The following GOLGA8B variants were observed in gnomAD, a reference collection of about 807,000 sequenced individuals.
GOLGA8B encodes the protein golgin subfamily A member 8B.
GOLGA8B carries 1 observed loss-of-function variant against 15.6 expected under a neutral mutation model. The observed-to-expected ratio is 0.06, with a 90% CI of 0.02 to 0.30. The LOEUF (loss-of-function observed/expected upper bound fraction) is 0.30, where lower values mean the gene tolerates loss of function less well. GOLGA8B is among the 10% of genes least tolerant of loss of function. The pLI is 1.00. For missense variants in GOLGA8B, 17 were observed against 201.3 expected, an observed-to-expected ratio of 0.08 and a Z score of 5.54; for synonymous variants, 9 against 80.3, an observed-to-expected ratio of 0.11 and a Z score of 4.75.
At chr15:34,569,197 C>T (rs1384034696) in intron 1 of GOLGA8B, among the ~76,000 whole-genome samples, 4 of 146,402 alleles carry the variant, frequency 2.7e-5, no homozygotes, top group African/African-American at 1.0e-4. Flanking sequence ...TGTTCCACCT[C>T]TTCCACTTCC....
chr15:34,571,807 G>A (rs1325758291), intron 1 of GOLGA8B, among the ~76,000 whole-genome samples: 6 of 152,034 alleles, frequency 3.9e-5, no homozygotes, highest in Middle Eastern at 3.2e-3. Flanking sequence ...ATTAAAGCAA[G>A]CTTGATAGTT....
At chr15:34,565,666 TC>T in intron 1 of GOLGA8B, among the ~76,000 whole-genome samples, 1 of 2,766 alleles carries the variant, frequency 3.6e-4, no homozygotes, top group Admixed American at 3.1e-3. Context: ...TTTCTTTCTT[TC>T]TTTCTTTCTT....
intron 1 of GOLGA8B, among the ~76,000 whole-genome samples, chr15:34,557,659 T>TGTGTGA (rs1209379009): frequency 9.3e-6 from 1 of 107,240 alleles, no homozygotes; most frequent in Admixed American, 1.1e-4. Flanking sequence ...TGTGTGTGTG[T>TGTGTGA]GTGTGTGTGT....
At chr15:34,569,678 A>G (rs1201577737) in intron 1 of GOLGA8B, among the ~76,000 whole-genome samples, 3 of 151,752 alleles carry the variant, frequency 2.0e-5, no homozygotes, top group Non-Finnish European at 2.9e-5. Flanking sequence ...CACCCTGAAC[A>G]AAGACTAAAT....
chr15:34,577,450 G>A (rs1400682962), intron 1 of GOLGA8B, among the ~76,000 whole-genome samples: 3 of 150,926 alleles, frequency 2.0e-5, no homozygotes, highest in Non-Finnish European at 4.4e-5. Context: ...GAGCTGCCTT[G>A]CTGGAGAATC....
chr15:34,578,257 A>AC (rs779819442), intron 1 of GOLGA8B, among the ~76,000 whole-genome samples: 3 of 152,140 alleles, frequency 2.0e-5, no homozygotes, highest in Non-Finnish European at 4.4e-5. Flanking sequence ...TGTCCCACCA[A>AC]CCATGTTAGC....
intron 1 of GOLGA8B, chr15:34,582,647 C>T (rs909572605): frequency 1.3e-5 from 2 of 152,286 alleles, no homozygotes; most frequent in Non-Finnish European, 2.9e-5. Flanking sequence ...AGGCTCTGCT[C>T]TCCACTGGGG....
Position 34,525,378 on chromosome 15 carries a change from C to T in GOLGA8B, c.*2254G>A, listed in dbSNP as rs555194206. ...AAAGTCTTTCAGTATTTCTGTTACA[C>T]ATTCTGTTAACAAGAACCCATACAT... On this transcript the variant is annotated 3_prime_UTR_variant, in exon 24 of 24. Coordinates refer to ENST00000683415, the MANE Select transcript of GOLGA8B (RefSeq NM_001023567.5). 4.0e-5 allele frequency: 6 copies of T among 150,020 alleles called. No homozygotes were observed. The South Asian group carries it at 1.3e-3, about 32-fold the overall frequency. 9.3% of individuals were successfully genotyped at this position (150,020 alleles called of 1,614,324 possible). A position where few individuals can be genotyped will look rare whatever the true frequency, so the allele number is the denominator to read the frequency against.
At chr15:34,579,347 A>G (rs1319978762) in intron 1 of GOLGA8B, among the ~76,000 whole-genome samples, 1 of 152,098 alleles carries the variant, frequency 6.6e-6, no homozygotes, top group Non-Finnish European at 1.5e-5. Flanking sequence ...ACAGAGTCTG[A>G]CATTAGGTAC....
chr15:34,572,271 C>G (rs1421603385), intron 1 of GOLGA8B, among the ~76,000 whole-genome samples: 3 of 152,224 alleles, frequency 2.0e-5, no homozygotes, highest in East Asian at 3.8e-4. Flanking sequence ...TGTTGACACT[C>G]TGAATGCCCA....
intron 1 of GOLGA8B, among the ~76,000 whole-genome samples, chr15:34,581,655 G>T (rs748572673): frequency 3.3e-5 from 5 of 152,152 alleles, no homozygotes; most frequent in Non-Finnish European, 5.9e-5. Flanking sequence ...TGGGTCTGGG[G>T]TGTCAGAGAA....
chr15:34,554,058 C>T (rs1252799843), intron 1 of GOLGA8B, 102 bp from the exon 2 acceptor site: 4 of 138,346 alleles, frequency 2.9e-5, no homozygotes, highest in African/African-American at 5.5e-5. Context: ...ACCGCTACAC[C>T]GTGTCGTTGT....
At chr15:34,572,681 C>A (rs1888954111) in intron 1 of GOLGA8B, among the ~76,000 whole-genome samples, 1 of 152,158 alleles carries the variant, frequency 6.6e-6, no homozygotes, top group Admixed American at 6.5e-5. Context: ...CTGAATGGGG[C>A]AGTGGTGAAG....
intron 1 of GOLGA8B, among the ~76,000 whole-genome samples, chr15:34,578,234 G>A (rs1463938322): frequency 3.3e-5 from 5 of 152,180 alleles, no homozygotes; most frequent in African/African-American, 1.2e-4. Flanking sequence ...GTGCAAAATG[G>A]AAAACACCTT....
At chr15:34,573,130 T>C (rs79202685) in intron 1 of GOLGA8B, among the ~76,000 whole-genome samples, 1 of 152,238 alleles carries the variant, frequency 6.6e-6, no homozygotes, top group Non-Finnish European at 1.5e-5. Context: ...TATTTAATGA[T>C]TAGCTCTGGT....
chr15:34,577,504 TCATACACACACACACACACACA>T (rs1889114004), intron 1 of GOLGA8B, among the ~76,000 whole-genome samples: 1 of 100,624 alleles, frequency 9.9e-6, no homozygotes, highest in Non-Finnish European at 2.0e-5. Context: ...AAATTATATA[TCATACACACACACACACACACA>T]CACACACACA....
In GOLGA8B at chr15:34,581,180, C is replaced by T. The variant is rs548807672; in HGVS notation, c.-1123+2336G>A. ...CCATGGTGTCACCTGAGGCCCACAC[C>T]TGTTAAGTCACTGGGGCAGGTATGC... On this transcript the variant is annotated intron_variant, in intron 1 of 23. Coordinates refer to ENST00000683415, the MANE Select transcript of GOLGA8B (RefSeq NM_001023567.5). Among the ~76,000 whole-genome samples the T allele has an allele frequency of 7.2e-5, 11 of 152,224 alleles. No homozygotes were observed. The East Asian group carries it at 9.6e-4, about 13-fold the overall frequency.
At chr15:34,569,917 G>T (rs1269673603) in intron 1 of GOLGA8B, among the ~76,000 whole-genome samples, 2 of 152,196 alleles carry the variant, frequency 1.3e-5, no homozygotes, top group Middle Eastern at 3.4e-3. Flanking sequence ...TGGGGCCATG[G>T]GTCCCAGTGG....
intron 1 of GOLGA8B, among the ~76,000 whole-genome samples, chr15:34,572,361 C>T (rs1049727374): frequency 3.3e-5 from 5 of 152,136 alleles, no homozygotes; most frequent in African/African-American, 4.8e-5. Context: ...GTTTAATGTA[C>T]GAGACTCCAC....
Sources: gnomAD v4.1 joint callset for allele counts (sites outside exome capture counted in the v4.1 genomes callset) on GRCh38, gnomAD v4.1.1 for gene constraint, MANE v1.5 for transcripts, NCBI Gene and HGNC (gene_info 2026-07-23, HGNC 2026-07-21) for gene names.